ADD3: variants seen among roughly 807,000 people sequenced by gnomAD.
ADD3 encodes adducin 3, also known as gamma-adducin.
A neutral mutation model predicts 80.2 loss-of-function variants in ADD3; 25 were observed. The observed-to-expected ratio is 0.31, with a 90% CI of 0.23 to 0.44. The LOEUF (loss-of-function observed/expected upper bound fraction) is 0.44. ADD3 is among the 20% of genes least tolerant of loss of function. ADD3 has a pLI of 1.00. For missense variants in ADD3, 829 were observed against 847.5 expected, an observed-to-expected ratio of 0.98 and a Z score of 0.27; for synonymous variants, 284 against 289.6, an observed-to-expected ratio of 0.98 and a Z score of 0.20.
chr10:110,027,917 G>A (rs1287030132), intron 1 of ADD3, among the ~76,000 whole-genome samples: 4 of 152,204 alleles, frequency 2.6e-5, no homozygotes, highest in Non-Finnish European at 5.9e-5. Context: ...GGTTCAGTTG[G>A]TTATGCTTAA....
chr10:110,101,219 C>G (rs958631180), intron 2 of ADD3, among the ~76,000 whole-genome samples: 4 of 152,102 alleles, frequency 2.6e-5, no homozygotes, highest in Admixed American at 1.3e-4. Context: ...CTTTGGGTAC[C>G]TTGACGCTCA....
intron 1 of ADD3, among the ~76,000 whole-genome samples, chr10:110,087,373 ATATATTCCGTAGTATTT>A (rs1305331783): frequency 6.6e-6 from 1 of 152,110 alleles, no homozygotes; most frequent in East Asian, 1.9e-4. Context: ...TTAAGTGAAA[ATATATTCCGTAGTATTT>A]TATGATTTAG....
intron 1 of ADD3, among the ~76,000 whole-genome samples, chr10:110,090,148 C>T (rs1181900696): frequency 6.6e-6 from 1 of 151,326 alleles, no homozygotes; most frequent in Admixed American, 6.6e-5. Context: ...CAGCATTGTC[C>T]AACTCTGTCT....
intron 6 of ADD3, 59 bp from the exon 7 acceptor site, chr10:110,119,151 TC>T: frequency 2.5e-6 from 4 of 1,581,374 alleles, no homozygotes; most frequent in Non-Finnish European, 3.5e-6. Context: ...ACAATCAGGT[TC>T]CTATGAAAAT....
chr10:110,017,981 C>G (rs1230709466), intron 1 of ADD3, among the ~76,000 whole-genome samples: 3 of 152,076 alleles, frequency 2.0e-5, no homozygotes, highest in African/African-American at 4.8e-5. Context: ...GTATTCTTAA[C>G]CCAGTCACCC....
At chr10:110,043,324 A>T (rs1334536414) in intron 1 of ADD3, among the ~76,000 whole-genome samples, 1 of 152,194 alleles carries the variant, frequency 6.6e-6, no homozygotes, top group East Asian at 1.9e-4. Flanking sequence ...TCTTTTTTTT[A>T]AACAAATCCT....
At chr10:110,052,634 T>C (rs1018421111) in intron 1 of ADD3, among the ~76,000 whole-genome samples, 2 of 152,214 alleles carry the variant, frequency 1.3e-5, no homozygotes, top group Non-Finnish European at 2.9e-5. Flanking sequence ...TGCTAATAAA[T>C]GTTTAGGGTA....
At chr10:110,114,899 A>G (rs1850508230) in intron 3 of ADD3, among the ~76,000 whole-genome samples, 1 of 151,724 alleles carries the variant, frequency 6.6e-6, no homozygotes. Flanking sequence ...GCAACATAGT[A>G]AGACCCCATC....
Position 110,047,245 on chromosome 10 carries a change from T to C in ADD3, c.-30+38946T>C, listed in dbSNP as rs200753188. On this transcript the variant is annotated intron_variant, in intron 1 of 14. Transcript: ENST00000356080. The stretch of plus-strand genomic sequence containing the variant: ...TTTAAAACTCAATAATATAGGTAAC[T>C]CACAATTTACAAAGTAGATTTGCCG... Among the ~76,000 whole-genome samples the C allele has an allele frequency of 1.8e-4, 28 of 152,346 alleles. No individual in the cohort carries two copies. The East Asian group carries it at 3.5e-3, about 19-fold the overall frequency.
chr10:110,031,228 G>T (rs964437900), intron 1 of ADD3, among the ~76,000 whole-genome samples: 5 of 152,150 alleles, frequency 3.3e-5, no homozygotes, highest in African/African-American at 1.2e-4. Flanking sequence ...AGCTGAGATT[G>T]TGCCATTGCA....
intron 1 of ADD3, among the ~76,000 whole-genome samples, chr10:110,061,253 T>C (rs143687669): frequency 1.3e-5 from 2 of 152,356 alleles, no homozygotes; most frequent in African/African-American, 4.8e-5. Context: ...GTAATGCTGA[T>C]GGCTTCCTGA....
At chr10:110,083,109 C>T (rs1207616997) in intron 1 of ADD3, among the ~76,000 whole-genome samples, 1 of 152,188 alleles carries the variant, frequency 6.6e-6, no homozygotes, top group African/African-American at 2.4e-5. Flanking sequence ...TTGGAGCCAA[C>T]AGACATACTC....
Position 110,112,816 on chromosome 10 carries a change from A to T in ADD3, c.235A>T (p.Met79Leu). ...CTTGGAATGCCTTATTCAAGAACAG[A>T]TGAAGAAAGGCCACAACCCAACTGG... ...EDLECLIQEQMKKGHNPTGLL... is the reference protein window; with the variant it reads ...EDLECLIQEQLKKGHNPTGLL... The change falls in exon 3 of 15, where the codon ATG becomes TTG. Residue 79 changes from methionine (M) to leucine (L), a missense_variant. Met to Leu is a conservative substitution (Grantham distance 15, BLOSUM62 2). Transcript: ENST00000356080. The T allele has an allele frequency of 6.2e-7, 1 of 1,614,134 alleles. No individual in the cohort carries two copies. Among genetic ancestry groups the T allele is most frequent in the Non-Finnish European group, 8.5e-7 (1 of 1,179,998 alleles).
At chr10:110,066,419 T>A (rs1006441437) in intron 1 of ADD3, among the ~76,000 whole-genome samples, 1 of 152,060 alleles carries the variant, frequency 6.6e-6, no homozygotes, top group Non-Finnish European at 1.5e-5. Flanking sequence ...GTATTTTTAG[T>A]AGAGACAGTT....
intron 2 of ADD3, among the ~76,000 whole-genome samples, chr10:110,111,684 G>A (rs1850026685): frequency 6.6e-6 from 1 of 152,174 alleles, no homozygotes; most frequent in African/African-American, 2.4e-5. Context: ...GGAAGGCAGA[G>A]GTGGGCGGAT....
At chr10:110,052,000 C>A (rs1857569568) in intron 1 of ADD3, among the ~76,000 whole-genome samples, 1 of 152,118 alleles carries the variant, frequency 6.6e-6, no homozygotes, top group Admixed American at 6.5e-5. Context: ...AAGGTCTTGC[C>A]ATGTTGCCCA....
In ADD3 at chr10:110,132,346, T is replaced by A. The variant is rs1375119541; in HGVS notation, c.1774T>A (p.Ser592Thr). 3 of 1,613,834 alleles carry A rather than the reference T, an allele frequency of 1.9e-6. No homozygotes were observed. The highest frequency in any genetic ancestry group is 2.5e-6 in the Non-Finnish European group (3 of 1,179,944). Residue 592 changes from serine (S) to threonine (T), a missense_variant, in exon 14 of 15, where the codon TCA becomes ACA. Physicochemically the swap from Ser to Thr is moderately conservative, Grantham distance 58. Coordinates refer to ENST00000356080, the MANE Select transcript of ADD3 (RefSeq NM_016824.5). ...ELLSDDASSV[S>T]QIQSQTQSPQ... is the part of the protein sequence containing the mutation. ...ACTCTCAGATGACGCTTCATCTGTT[T>A]CACAAATTCAGTCTCAAACTCAGTC...
Position 110,063,736 on chromosome 10 carries a change from ATTAT to A in ADD3, c.-29-36888_-29-36885del, listed in dbSNP as rs1226659402. ...TTGATGAATATGAATATATATATTCATTATATATATATATATATATATATATATA... is the reference window on the plus strand; with the variant it reads ...TTGATGAATATGAATATATATATTCAATATATATATATATATATATATATA... On this transcript the variant is annotated intron_variant, in intron 1 of 14. Transcript: ENST00000356080. Among the ~76,000 whole-genome samples the A allele has an allele frequency of 6.4e-3, 291 of 45,794 alleles. 8 individuals carry two copies. Among genetic ancestry groups the A allele is most frequent in the African/African-American group, 0.022 (275 of 12,422 alleles). The allele number at this position is 45,794 out of a possible 152,430, so 30.0% of individuals were successfully genotyped here. A position where few individuals can be genotyped will look rare whatever the true frequency, so the allele number is the denominator to read the frequency against.
chr10:110,008,343 C>T (rs1851879794), intron 1 of ADD3, 44 bp downstream of exon 1: 3 of 152,390 alleles, frequency 2.0e-5, no homozygotes, highest in Admixed American at 2.0e-4. Flanking sequence ...CGCCTCTCTT[C>T]CGGGCCGGGA....
Sources: gnomAD v4.1 joint callset for allele counts (sites outside exome capture counted in the v4.1 genomes callset) on GRCh38, gnomAD v4.1.1 for gene constraint, MANE v1.5 for transcripts, NCBI Gene and HGNC (gene_info 2026-07-23, HGNC 2026-07-21) for gene names.